The following HS6ST3 variants were observed in gnomAD, a reference collection of about 807,000 sequenced individuals.
HS6ST3 encodes heparan-sulfate 6-O-sulfotransferase 3.
A neutral mutation model predicts 36.7 loss-of-function variants in HS6ST3; 12 were observed. The observed-to-expected ratio is 0.33, with a 90% confidence interval of 0.21 to 0.53. The LOEUF (loss-of-function observed/expected upper bound fraction) is 0.53. HS6ST3 is among the 20% of genes least tolerant of loss of function. The pLI, the probability that HS6ST3 is intolerant of heterozygous loss-of-function variation, is 0.95. For synonymous variants in HS6ST3, 240 were observed against 257.5 expected, an observed-to-expected ratio of 0.93 and a Z score of 0.65; for missense variants, 584 against 640.9, an observed-to-expected ratio of 0.91 and a Z score of 0.96.
intron 1 of HS6ST3, among the ~76,000 whole-genome samples, chr13:96,359,713 G>A (rs923658000): frequency 2.6e-5 from 4 of 152,166 alleles, no homozygotes; most frequent in Non-Finnish European, 5.9e-5. Context: ...GCATCATGCT[G>A]ATTCTGAAGT....
At chr13:96,299,485 C>T (rs147566512) in intron 1 of HS6ST3, among the ~76,000 whole-genome samples, 4 of 152,208 alleles carry the variant, frequency 2.6e-5, no homozygotes, top group East Asian at 3.9e-4. Context: ...ATAGAGAAAA[C>T]GGCCACCAGA....
At chr13:96,591,713 G>T (rs1057302155) in intron 1 of HS6ST3, among the ~76,000 whole-genome samples, 2 of 152,010 alleles carry the variant, frequency 1.3e-5, no homozygotes, top group South Asian at 4.1e-4. Flanking sequence ...GATTGCTCTA[G>T]CTAGGACTTC....
intron 1 of HS6ST3, among the ~76,000 whole-genome samples, chr13:96,146,704 A>T (rs2054059882): frequency 6.6e-6 from 1 of 152,184 alleles, no homozygotes; most frequent in African/African-American, 2.4e-5. Context: ...TAAGAAAAGC[A>T]GTTTTATTAA....
At chr13:96,418,780 A>G (rs904851293) in intron 1 of HS6ST3, among the ~76,000 whole-genome samples, 2 of 152,222 alleles carry the variant, frequency 1.3e-5, no homozygotes, top group African/African-American at 4.8e-5. Flanking sequence ...ACCAGGTGGT[A>G]ACAGGGCCAC....
chr13:96,666,409 C>T (rs1426537055), intron 1 of HS6ST3, among the ~76,000 whole-genome samples: 1 of 152,116 alleles, frequency 6.6e-6, no homozygotes, highest in Non-Finnish European at 1.5e-5. Context: ...ATTCTCTTCC[C>T]TTTGATCTGG....
At chr13:96,825,950 T>C (rs569702144) in intron 1 of HS6ST3, among the ~76,000 whole-genome samples, 1 of 152,338 alleles carries the variant, frequency 6.6e-6, no homozygotes, top group East Asian at 1.9e-4. Flanking sequence ...TTTTCTTCTT[T>C]TTTTATGTTC....
intron 1 of HS6ST3, among the ~76,000 whole-genome samples, chr13:96,567,354 G>C (rs1487684370): frequency 6.6e-6 from 1 of 152,122 alleles, no homozygotes; most frequent in Non-Finnish European, 1.5e-5. Context: ...CAGAGAGGGG[G>C]TGGTAGAGGT....
intron 1 of HS6ST3, among the ~76,000 whole-genome samples, chr13:96,317,479 G>C (rs148369562): frequency 6.7e-6 from 1 of 148,488 alleles, no homozygotes; most frequent in African/African-American, 2.5e-5. Context: ...TGGGCACTTA[G>C]ATCTTCCATG....
intron 1 of HS6ST3, among the ~76,000 whole-genome samples, chr13:96,456,339 A>G (rs988112486): frequency 1.3e-5 from 2 of 152,176 alleles, no homozygotes; most frequent in Non-Finnish European, 2.9e-5. Context: ...TAATCAGAAC[A>G]TGCATTTTCT....
chr13:96,203,088 C>T (rs1594714813), intron 1 of HS6ST3, among the ~76,000 whole-genome samples: 1 of 152,190 alleles, frequency 6.6e-6, no homozygotes, highest in Non-Finnish European at 1.5e-5. Context: ...AGCGATATTT[C>T]TCCATATAGA....
At chr13:96,420,034 C>A (rs895334800) in intron 1 of HS6ST3, among the ~76,000 whole-genome samples, 6 of 152,122 alleles carry the variant, frequency 3.9e-5, no homozygotes, top group Non-Finnish European at 7.3e-5. Context: ...CATAAAAATC[C>A]TGTATATAAG....
rs114657292 is a variant in HS6ST3, at chr13:96,220,026, G to A, written c.707+128457G>A. ...CTCTAGTGGCATCATTACTTCATTC[G>A]CTCGTTCATTCATTCCAAGAACATT... is the stretch of plus-strand genomic sequence containing the variant. On this transcript the variant is annotated intron_variant, in intron 1 of 1. Coordinates refer to ENST00000376705, the MANE Select transcript of HS6ST3 (RefSeq NM_153456.4). 9.8e-3 allele frequency among the ~76,000 whole-genome samples: 1,487 copies of A among 152,184 alleles called. 25 individuals are homozygous for A. The highest frequency in any genetic ancestry group is 0.034 in the African/African-American group (1,427 of 41,526).
At chr13:96,251,042 T>A (rs2054605523) in intron 1 of HS6ST3, among the ~76,000 whole-genome samples, 1 of 152,200 alleles carries the variant, frequency 6.6e-6, no homozygotes, top group Non-Finnish European at 1.5e-5. Context: ...GATACTGACC[T>A]GTAATTTTCT....
At chr13:96,114,191 A>G (rs577031398) in intron 1 of HS6ST3, among the ~76,000 whole-genome samples, 1 of 151,646 alleles carries the variant, frequency 6.6e-6, no homozygotes, top group South Asian at 2.1e-4. Flanking sequence ...AGTCTCTGTC[A>G]CCCAGGCTGG....
intron 1 of HS6ST3, among the ~76,000 whole-genome samples, chr13:96,315,119 T>A (rs1205215092): frequency 6.6e-6 from 1 of 152,168 alleles, no homozygotes; most frequent in Non-Finnish European, 1.5e-5. Context: ...GCTGAATATA[T>A]CAGCTGTAGA....
At chr13:96,813,352 T>TTC (rs779744520) in intron 1 of HS6ST3, among the ~76,000 whole-genome samples, 8 of 152,162 alleles carry the variant, frequency 5.3e-5, no homozygotes, top group Admixed American at 4.6e-4. Context: ...CATGCAGCTC[T>TTC]TCTTCCTGAG....
chr13:96,782,404 C>T (rs1440863374), intron 1 of HS6ST3, among the ~76,000 whole-genome samples: 2 of 152,106 alleles, frequency 1.3e-5, no homozygotes, highest in Middle Eastern at 3.2e-3. Flanking sequence ...TCTTTCCTTG[C>T]ATATGGGTGT....
intron 1 of HS6ST3, among the ~76,000 whole-genome samples, chr13:96,557,321 G>A (rs1410371946): frequency 6.6e-6 from 1 of 152,196 alleles, no homozygotes; most frequent in Non-Finnish European, 1.5e-5. Flanking sequence ...ACCAACAGGA[G>A]TGAGTGCTGA....
chr13:96,777,239 T>A (rs764928541), intron 1 of HS6ST3, among the ~76,000 whole-genome samples: 2 of 152,202 alleles, frequency 1.3e-5, no homozygotes, highest in Non-Finnish European at 1.5e-5. Flanking sequence ...AATAGCATAC[T>A]GAAGGGGCAA....
Sources: allele counts gnomAD v4.1 joint callset (sites outside exome capture counted in the v4.1 genomes callset), GRCh38; gene constraint gnomAD v4.1.1; transcripts MANE v1.5; gene names NCBI Gene and HGNC (gene_info 2026-07-23, HGNC 2026-07-21).